CNTLN: variants seen among roughly 807,000 people sequenced by gnomAD.
CNTLN encodes the protein centlein, centrosomal protein.
Under a neutral mutation model 180.0 loss-of-function variants are expected in CNTLN, and 212 were observed. The ratio of observed to expected loss-of-function variants is 1.18; its 90% CI spans 1.05 to 1.32. CNTLN has a LOEUF of 1.32. CNTLN is among the 40% of genes most tolerant of loss of function. CNTLN has a pLI of 0.00. For missense variants in CNTLN, 2,095 were observed against 1,610.9 expected (o/e 1.30, Z -5.14); for synonymous variants, 722 against 563.1 (o/e 1.28, Z -3.99).
intron 5 of CNTLN, among the ~76,000 whole-genome samples, chr9:17,267,869 C>T (rs933800904): frequency 5.9e-5 from 9 of 152,190 alleles, no homozygotes; most frequent in African/African-American, 2.2e-4. Flanking sequence ...AGCTCTTGTG[C>T]CTTGGTTTTC....
chr9:17,440,844 C>A (rs906209750), intron 18 of CNTLN, among the ~76,000 whole-genome samples: 1 of 152,072 alleles, frequency 6.6e-6, no homozygotes, highest in African/African-American at 2.4e-5. Context: ...TAATAAAAGA[C>A]CATATACAGT....
At chr9:17,338,564 T>A (rs1258741915) in intron 10 of CNTLN, among the ~76,000 whole-genome samples, 2 of 151,934 alleles carry the variant, frequency 1.3e-5, no homozygotes, top group Non-Finnish European at 2.9e-5. Context: ...GCAATCTCAA[T>A]AAACATAATT....
chr9:17,324,928 T>C (rs1820163846), intron 8 of CNTLN, among the ~76,000 whole-genome samples: 1 of 152,014 alleles, frequency 6.6e-6, no homozygotes, highest in South Asian at 2.1e-4. Flanking sequence ...ATAATTTAAT[T>C]TTATTTTGTG....
At chr9:17,386,694 A>C (rs887899263) in intron 13 of CNTLN, among the ~76,000 whole-genome samples, 3 of 152,226 alleles carry the variant, frequency 2.0e-5, no homozygotes, top group African/African-American at 7.2e-5. Context: ...AGTGGACCTC[A>C]CACACATCCA....
intron 16 of CNTLN, among the ~76,000 whole-genome samples, chr9:17,413,065 C>G (rs1220541509): frequency 2.6e-5 from 4 of 152,186 alleles, no homozygotes; most frequent in Non-Finnish European, 2.9e-5. Flanking sequence ...ACTGATGGCA[C>G]CGTACACCCG....
chr9:17,391,203 C>T (rs912663958), intron 14 of CNTLN, among the ~76,000 whole-genome samples: 1 of 152,162 alleles, frequency 6.6e-6, no homozygotes, highest in Admixed American at 6.5e-5. Flanking sequence ...CAAGGCCTGT[C>T]TGCTCAGATT....
At chr9:17,214,984 T>C (rs2132000917) in intron 2 of CNTLN, among the ~76,000 whole-genome samples, 2 of 152,358 alleles carry the variant, frequency 1.3e-5, no homozygotes, top group Middle Eastern at 3.4e-3. Flanking sequence ...TTAGCTTCTT[T>C]GTGATGGGTT....
In CNTLN at chr9:17,343,025, C is replaced by T. The variant is rs185915407; in HGVS notation, c.1886+581C>T. On this transcript the variant is annotated intron_variant, in intron 12 of 25. Transcript: ENST00000380647. The stretch of plus-strand genomic sequence containing the variant: ...ACCTGCAGAAGACACAAGGGAATTG[C>T]CTTCTTTCTTGCTGTGCCCTGCCTG... Among the ~76,000 whole-genome samples, 160 of 152,290 alleles carry T rather than the reference C, an allele frequency of 1.1e-3. 1 individual carries two copies. Among genetic ancestry groups the T allele is most frequent in the African/African-American group, 3.7e-3 (152 of 41,566 alleles).
At chr9:17,268,763 C>T (rs1240773182) in intron 5 of CNTLN, among the ~76,000 whole-genome samples, 1 of 151,984 alleles carries the variant, frequency 6.6e-6, no homozygotes, top group African/African-American at 2.4e-5. Flanking sequence ...CCCCCAGCCT[C>T]GCTGCCACCT....
chr9:17,381,001 G>A (rs571295854), intron 13 of CNTLN, among the ~76,000 whole-genome samples: 1 of 152,292 alleles, frequency 6.6e-6, no homozygotes, highest in Admixed American at 6.5e-5. Flanking sequence ...CTCCACCCGT[G>A]ATTTCTTTGG....
At chr9:17,375,199 T>C (rs1215308777) in intron 13 of CNTLN, among the ~76,000 whole-genome samples, 4 of 152,120 alleles carry the variant, frequency 2.6e-5, no homozygotes, top group South Asian at 2.1e-4. Flanking sequence ...TTCTCACTTA[T>C]TGGTGGGAGC....
chr9:17,312,364 T>TATATA (rs369729227), intron 8 of CNTLN, among the ~76,000 whole-genome samples: 104 of 20,148 alleles, frequency 5.2e-3, no homozygotes, highest in Non-Finnish European at 7.6e-3. Flanking sequence ...TATATATATA[T>TATATA]TATATATATA....
At chr9:17,195,504 C>T (rs1000207250) in intron 2 of CNTLN, among the ~76,000 whole-genome samples, 10 of 151,958 alleles carry the variant, frequency 6.6e-5, no homozygotes, top group African/African-American at 2.4e-4. Context: ...TGTCTTGAGT[C>T]TTCTTGGAGC....
chr9:17,518,654 C>T, the CNTLN span, among the ~76,000 whole-genome samples: 1 of 152,132 alleles, frequency 6.6e-6, no homozygotes, highest in African/African-American at 2.4e-5. Flanking sequence ...TACTTCTATA[C>T]CTGCTCAGAA....
intron 2 of CNTLN, among the ~76,000 whole-genome samples, chr9:17,185,699 A>G (rs1821387647): frequency 6.6e-6 from 1 of 151,678 alleles, no homozygotes; most frequent in African/African-American, 2.4e-5. Context: ...GATCTTTCCT[A>G]TCTATGCCTT....
chr9:17,400,369 C>T (rs535611163), intron 15 of CNTLN, among the ~76,000 whole-genome samples: 67 of 152,216 alleles, frequency 4.4e-4, no homozygotes, highest in Non-Finnish European at 5.0e-4. Context: ...GAACTCCTGA[C>T]CTCGTGATCT....
chr9:17,522,910 C>G, the CNTLN span, among the ~76,000 whole-genome samples: 1 of 151,652 alleles, frequency 6.6e-6, no homozygotes, highest in African/African-American at 2.4e-5. Context: ...TTCTGCTTCT[C>G]TCTTCCTGGT....
chr9:17,270,217 C>T (rs1587431071), intron 5 of CNTLN, among the ~76,000 whole-genome samples: 2 of 152,054 alleles, frequency 1.3e-5, no homozygotes, highest in East Asian at 1.9e-4. Flanking sequence ...TTTTAATGAA[C>T]ATTTCACCAT....
chr9:17,278,773 C>A (rs978080383), intron 6 of CNTLN, among the ~76,000 whole-genome samples: 1 of 151,724 alleles, frequency 6.6e-6, no homozygotes, highest in African/African-American at 2.4e-5. Flanking sequence ...AAGAAAAAAA[C>A]GTTAGACTAA....
Sources: gnomAD v4.1 joint callset for allele counts (sites outside exome capture counted in the v4.1 genomes callset) on GRCh38, gnomAD v4.1.1 for gene constraint, MANE v1.5 for transcripts, NCBI Gene and HGNC (gene_info 2026-07-23, HGNC 2026-07-21) for gene names.